Variants in GPC6 observed in about 807,000 individuals in gnomAD.
The protein encoded by GPC6 is glypican-6.
A neutral mutation model predicts 55.2 loss-of-function variants in GPC6; 14 were observed. The observed-to-expected ratio is 0.25, with a 90% CI of 0.17 to 0.40. GPC6 has a LOEUF of 0.40. GPC6 is among the 10% of genes least tolerant of loss of function. The pLI is 1.00. For synonymous variants in GPC6, 278 were observed against 259.6 expected (o/e 1.07, Z -0.68); for missense variants, 641 against 708.5 (o/e 0.90, Z 1.08).
At chr13:93,850,385 G>A (rs1348189223) in intron 3 of GPC6, among the ~76,000 whole-genome samples, 1 of 151,832 alleles carries the variant, frequency 6.6e-6, no homozygotes, top group Non-Finnish European at 1.5e-5. Flanking sequence ...AATAACTCGG[G>A]AGACCATTGG....
At chr13:93,303,348 A>T (rs775433243) in intron 1 of GPC6, among the ~76,000 whole-genome samples, 1 of 152,204 alleles carries the variant, frequency 6.6e-6, no homozygotes, top group Non-Finnish European at 1.5e-5. Context: ...TACCTATCTC[A>T]TGATTGTTGG....
intron 3 of GPC6, among the ~76,000 whole-genome samples, chr13:93,886,157 T>C (rs1321330456): frequency 6.6e-6 from 1 of 152,118 alleles, no homozygotes; most frequent in Non-Finnish European, 1.5e-5. Flanking sequence ...TATTCACAAC[T>C]GTCATTATCA....
At position 94,151,449 on chromosome 13, in the gene GPC6, C is replaced by T. The variant is rs572704352; in HGVS notation, c.877+123555C>T. On this transcript the variant is annotated intron_variant, in intron 4 of 8. Coordinates refer to ENST00000377047, the MANE Select transcript of GPC6 (RefSeq NM_005708.5). ...TTATGTTTTCCGAATCCCTCTGTGG[C>T]TTCTCTTGTAAGTGAGCAGGACACT... Among the ~76,000 whole-genome samples, 34 of 152,290 alleles carry T rather than the reference C, an allele frequency of 2.2e-4. 1 individual carries two copies. The South Asian group carries it at 7.0e-3, about 32-fold the overall frequency.
At chr13:93,315,885 A>C (rs943888447) in intron 1 of GPC6, among the ~76,000 whole-genome samples, 1 of 151,990 alleles carries the variant, frequency 6.6e-6, no homozygotes, top group Non-Finnish European at 1.5e-5. Context: ...TATATGAGCA[A>C]GATATTTGGA....
intron 1 of GPC6, among the ~76,000 whole-genome samples, chr13:93,431,013 C>T (rs1228051723): frequency 1.3e-5 from 2 of 151,882 alleles, no homozygotes; most frequent in African/African-American, 4.8e-5. Flanking sequence ...AAGATTCTAC[C>T]ATTACGTGTT....
intron 1 of GPC6, among the ~76,000 whole-genome samples, chr13:93,228,345 AC>A (rs1272457774): frequency 6.6e-6 from 1 of 152,052 alleles, no homozygotes; most frequent in Non-Finnish European, 1.5e-5. Context: ...ACACCCTGCC[AC>A]CCGGTCTGGA....
intron 1 of GPC6, among the ~76,000 whole-genome samples, chr13:93,241,852 G>A (rs1876442180): frequency 6.6e-6 from 1 of 151,096 alleles, no homozygotes; most frequent in Admixed American, 6.6e-5. Flanking sequence ...CCTTGAGGAT[G>A]TAACTATAAT....
At chr13:93,516,638 C>T (rs865976637) in intron 1 of GPC6, among the ~76,000 whole-genome samples, 1 of 151,918 alleles carries the variant, frequency 6.6e-6, no homozygotes. Context: ...AAGAAGAAAC[C>T]CTTCAAGATA....
intron 1 of GPC6, among the ~76,000 whole-genome samples, chr13:93,493,811 G>C (rs1880138350): frequency 8.5e-6 from 1 of 117,420 alleles, no homozygotes. Context: ...AGGTTGTTCA[G>C]TTTCCATGTA....
At chr13:93,268,511 C>T (rs1325196565) in intron 1 of GPC6, among the ~76,000 whole-genome samples, 1 of 151,998 alleles carries the variant, frequency 6.6e-6, no homozygotes, top group African/African-American at 2.4e-5. Flanking sequence ...CAGTTCCTGC[C>T]TGCAGGGAAA....
chr13:93,513,469 G>A (rs1055717086), intron 1 of GPC6, among the ~76,000 whole-genome samples: 1 of 152,092 alleles, frequency 6.6e-6, no homozygotes, highest in Non-Finnish European at 1.5e-5. Context: ...ACCTTATATT[G>A]TTTGACTATG....
intron 2 of GPC6, among the ~76,000 whole-genome samples, chr13:93,693,577 C>G (rs1048127357): frequency 6.6e-6 from 1 of 151,970 alleles, no homozygotes; most frequent in African/African-American, 2.4e-5. Context: ...CTCCTGGGCG[C>G]AAGCAATCCT....
intron 6 of GPC6, among the ~76,000 whole-genome samples, chr13:94,343,414 C>G (rs913333726): frequency 6.6e-6 from 1 of 152,156 alleles, no homozygotes; most frequent in Non-Finnish European, 1.5e-5. Flanking sequence ...TCCTTTGGCT[C>G]TGAATCAGCA....
intron 3 of GPC6, among the ~76,000 whole-genome samples, chr13:93,971,822 G>A (rs537378474): frequency 1.2e-4 from 18 of 152,318 alleles, no homozygotes; most frequent in Middle Eastern, 3.4e-3. Flanking sequence ...CTGTGGGACT[G>A]CTCCTTCCCT....
chr13:94,272,517 G>GGA (rs1242056711), intron 4 of GPC6, among the ~76,000 whole-genome samples: 3 of 133,082 alleles, frequency 2.3e-5, no homozygotes, highest in Non-Finnish European at 4.6e-5. Context: ...TGCCCAGGCT[G>GGA]GAGTGCAGTG....
chr13:93,988,582 A>G (rs1407346136), intron 3 of GPC6, among the ~76,000 whole-genome samples: 3 of 152,222 alleles, frequency 2.0e-5, no homozygotes, highest in Non-Finnish European at 4.4e-5. Context: ...CTTCCATTTT[A>G]ATAGATGGGT....
At chr13:93,608,751 G>T (rs1341231472) in intron 2 of GPC6, among the ~76,000 whole-genome samples, 2 of 152,196 alleles carry the variant, frequency 1.3e-5, no homozygotes, top group African/African-American at 4.8e-5. Flanking sequence ...AGAGGATGGA[G>T]GTGGTGTGTG....
intron 1 of GPC6, among the ~76,000 whole-genome samples, chr13:93,363,384 G>A (rs1346816574): frequency 6.6e-6 from 1 of 151,408 alleles, no homozygotes; most frequent in Non-Finnish European, 1.5e-5. Flanking sequence ...AATATGCGGT[G>A]TTTGGTTTTT....
At chr13:93,370,401 A>G (rs1465171468) in intron 1 of GPC6, among the ~76,000 whole-genome samples, 2 of 152,158 alleles carry the variant, frequency 1.3e-5, no homozygotes, top group Non-Finnish European at 2.9e-5. Flanking sequence ...CATAACTGGA[A>G]TGTATATTAA....
Sources: gnomAD v4.1 joint callset for allele counts (sites outside exome capture counted in the v4.1 genomes callset) on GRCh38, gnomAD v4.1.1 for gene constraint, MANE v1.5 for transcripts, NCBI Gene and HGNC (gene_info 2026-07-23, HGNC 2026-07-21) for gene names.